The following C1orf141 variants were observed in gnomAD, a reference collection of about 807,000 sequenced individuals.
The protein encoded by C1orf141 is chromosome 1 open reading frame 141.
Under a neutral mutation model 23.2 loss-of-function variants are expected in C1orf141, and 19 were observed. The ratio of observed to expected loss-of-function variants is 0.82; its 90% CI spans 0.57 to 1.20. C1orf141 has a LOEUF of 1.20. Among genes scored for constraint, C1orf141 ranks in the 50% most tolerant of loss-of-function variants. The probability of loss-of-function intolerance (pLI) is 0.00; values close to 1 mark genes in which losing one functional copy is unlikely to be tolerated. For synonymous variants in C1orf141, 153 were observed against 154.6 expected, an observed-to-expected ratio of 0.99 and a Z score of 0.08; for missense variants, 469 against 455.1, an observed-to-expected ratio of 1.03 and a Z score of -0.28.
intron 4 of C1orf141, among the ~76,000 whole-genome samples, chr1:67,117,543 T>A (rs1426659786): frequency 6.6e-6 from 1 of 152,214 alleles, no homozygotes; most frequent in Non-Finnish European, 1.5e-5. Flanking sequence ...AATTATGTAA[T>A]CTCCGTAAAA....
chr1:67,112,924 A>G (rs1336666641), intron 5 of C1orf141, among the ~76,000 whole-genome samples: 1 of 152,176 alleles, frequency 6.6e-6, no homozygotes, highest in Non-Finnish European at 1.5e-5. Flanking sequence ...AGGGGAAAAT[A>G]TATATTCCTT....
In C1orf141 at chr1:67,095,250, T is replaced by C; in HGVS notation, c.588A>G (p.Thr196=). The change falls in exon 7 of 8, where the codon ACA becomes ACG. Residue 196 remains threonine, a synonymous_variant. Coordinates refer to ENST00000684719, the MANE Select transcript of C1orf141 (RefSeq NM_001276351.2). ...TGCTTATTACCATGTGAGAAGTTACTGTCTTTGTTGGACTAACGTTGACTA... is the reference window on the plus strand; with the variant it reads ...TGCTTATTACCATGTGAGAAGTTACCGTCTTTGTTGGACTAACGTTGACTA... The part of the protein sequence containing the change: ...AKIVNVSPTK[T]VTSHMEQKDT... 1 of 1,576,106 alleles carries C rather than the reference T, an allele frequency of 6.3e-7. No homozygotes were observed.
chr1:67,106,475 T>C (rs1194949798), intron 5 of C1orf141, among the ~76,000 whole-genome samples: 1 of 151,938 alleles, frequency 6.6e-6, no homozygotes, highest in African/African-American at 2.4e-5. Flanking sequence ...GGTGAAACCC[T>C]GTCTCTACTA....
At chr1:67,130,296 C>G (rs555186362) in intron 2 of C1orf141, among the ~76,000 whole-genome samples, 4 of 152,278 alleles carry the variant, frequency 2.6e-5, no homozygotes, top group African/African-American at 9.6e-5. Context: ...TATTTTTCAG[C>G]AAGACACAGG....
At chr1:67,128,571 C>T (rs1853011) in intron 2 of C1orf141, among the ~76,000 whole-genome samples, 16 of 151,796 alleles carry the variant, frequency 1.1e-4, no homozygotes, top group African/African-American at 3.1e-4. Context: ...GTGCGTGGTG[C>T]CACATGCTTG....
intron 4 of C1orf141, chr1:67,123,370 T>C (rs980980481): frequency 1.3e-5 from 2 of 152,166 alleles, no homozygotes; most frequent in African/African-American, 4.8e-5. Context: ...AAACTAAGTA[T>C]TATACATTTG....
At chr1:67,097,694 T>C (rs1645713218) in intron 5 of C1orf141, among the ~76,000 whole-genome samples, 1 of 152,072 alleles carries the variant, frequency 6.6e-6, no homozygotes, top group Non-Finnish European at 1.5e-5. Context: ...TGCTCAGTGA[T>C]GGATGGTCTG....
Position 67,092,994 on chromosome 1 carries a change from T to C in C1orf141, c.*11A>G, listed in dbSNP as rs1239660094. The C allele has an allele frequency of 1.3e-6, 2 of 1,557,436 alleles. No homozygotes were observed. The highest frequency in any genetic ancestry group is 1.8e-6 in the Non-Finnish European group (2 of 1,142,754). Reference sequence around the variant, plus strand: ...TTCTTGTTACTCAAATATTGCTGCATACATAATATTTTATGAGGCATTTAA... The same window carrying C: ...TTCTTGTTACTCAAATATTGCTGCACACATAATATTTTATGAGGCATTTAA... On this transcript the variant is annotated 3_prime_UTR_variant, in exon 8 of 8. Coordinates refer to ENST00000684719, the MANE Select transcript of C1orf141 (RefSeq NM_001276351.2).
At chr1:67,103,348 G>C in intron 5 of C1orf141, 1 of 1,463,420 alleles carries the variant, frequency 6.8e-7, no homozygotes, top group Non-Finnish European at 9.2e-7. Context: ...TCTATGCTGT[G>C]AATATAGAAC....
At chr1:67,111,392 T>C (rs901137008) in intron 5 of C1orf141, among the ~76,000 whole-genome samples, 7 of 152,158 alleles carry the variant, frequency 4.6e-5, no homozygotes, top group Admixed American at 2.6e-4. Flanking sequence ...AAATAATATA[T>C]TATCTTCTCT....
chr1:67,134,090 G>A (rs934487685), intron 1 of C1orf141, among the ~76,000 whole-genome samples: 1 of 152,118 alleles, frequency 6.6e-6, no homozygotes, highest in Non-Finnish European at 1.5e-5. Context: ...TACAACCTCC[G>A]CCTCCCAGGT....
intron 5 of C1orf141, 22 bp from the exon 6 acceptor site, chr1:67,096,343 A>T: frequency 1.7e-6 from 2 of 1,211,910 alleles, no homozygotes; most frequent in African/African-American, 3.0e-5. Flanking sequence ...AAAGATTTTC[A>T]TAAAAGACAC....
chr1:67,129,307 G>A (rs76394117), intron 2 of C1orf141, among the ~76,000 whole-genome samples: 1 of 151,794 alleles, frequency 6.6e-6, no homozygotes, highest in Non-Finnish European at 1.5e-5. Flanking sequence ...AAAAAAAAAA[G>A]TAGCCAGGCA....
chr1:67,097,764 G>A (rs928320772), intron 5 of C1orf141, among the ~76,000 whole-genome samples: 1 of 152,104 alleles, frequency 6.6e-6, no homozygotes, highest in East Asian at 1.9e-4. Context: ...TTAGGAGGCT[G>A]TTGTTGTTGT....
At chr1:67,120,973 T>C (rs1646287726) in intron 4 of C1orf141, among the ~76,000 whole-genome samples, 1 of 152,202 alleles carries the variant, frequency 6.6e-6, no homozygotes, top group Admixed American at 6.5e-5. Flanking sequence ...GTAGCTGCTC[T>C]CCTTGGTTGG....
chr1:67,111,576 C>T (rs1427635656), intron 5 of C1orf141: 23 of 1,252,124 alleles, frequency 1.8e-5, no homozygotes, highest in Non-Finnish European at 1.1e-6. Context: ...ATTACACCTA[C>T]CTCAGTTGTA....
intron 3 of C1orf141, among the ~76,000 whole-genome samples, chr1:67,126,902 A>AT (rs766196927): frequency 6.6e-6 from 1 of 152,186 alleles, no homozygotes; most frequent in African/African-American, 2.4e-5. Flanking sequence ...GCTTTATTTT[A>AT]TTTTTTAAGC....
chr1:67,138,398 T>A (rs954378595), upstream of C1orf141, among the ~76,000 whole-genome samples: 19 of 152,244 alleles, frequency 1.2e-4, no homozygotes, highest in Non-Finnish European at 2.4e-4. Flanking sequence ...ACAATTCTTC[T>A]GAATTGGACA....
chr1:67,097,283 G>A (rs1019703297), intron 5 of C1orf141, among the ~76,000 whole-genome samples: 8 of 152,228 alleles, frequency 5.3e-5, no homozygotes, highest in South Asian at 2.1e-4. Context: ...ATATAATTTC[G>A]AATAATTTGG....
Sources: gnomAD v4.1 joint callset for allele counts (sites outside exome capture counted in the v4.1 genomes callset) on GRCh38, gnomAD v4.1.1 for gene constraint, MANE v1.5 for transcripts, NCBI Gene and HGNC (gene_info 2026-07-23, HGNC 2026-07-21) for gene names.